Variants in SPECC1 observed in about 807,000 individuals in gnomAD.
SPECC1 encodes the protein cytospin-B.
SPECC1 carries 62 observed loss-of-function variants against 104.1 expected under a neutral mutation model. The observed-to-expected ratio is 0.60, with a 90% CI of 0.49 to 0.74. The LOEUF is 0.74. Among genes scored for constraint, SPECC1 ranks in the 30% least tolerant of loss-of-function variants. The pLI is 0.00. For synonymous variants in SPECC1, 513 were observed against 501.6 expected, an observed-to-expected ratio of 1.02 and a Z score of -0.30; for missense variants, 1,306 against 1,310.5, an observed-to-expected ratio of 1.00 and a Z score of 0.05.
At chr17:20,298,090 G>C (rs570062932) in intron 13 of SPECC1, among the ~76,000 whole-genome samples, 1 of 152,148 alleles carries the variant, frequency 6.6e-6, no homozygotes, top group African/African-American at 2.4e-5. Flanking sequence ...AGTGGCTCCC[G>C]CCTGTAATCC....
intron 7 of SPECC1, 70 bp downstream of exon 7, chr17:20,232,475 G>A: frequency 6.7e-7 from 1 of 1,497,050 alleles, no homozygotes; most frequent in Non-Finnish European, 9.0e-7. Context: ...TGGTGGGGAT[G>A]GGACTCTTCA....
chr17:20,086,223 CATG>C (rs922926550), intron 1 of SPECC1, among the ~76,000 whole-genome samples: 11 of 150,636 alleles, frequency 7.3e-5, no homozygotes, highest in African/African-American at 2.7e-4. Context: ...CCCCAGAAGC[CATG>C]ATGAGTATGG....
chr17:20,132,835 G>A (rs1159266905), intron 3 of SPECC1, among the ~76,000 whole-genome samples: 2 of 151,958 alleles, frequency 1.3e-5, no homozygotes, highest in Admixed American at 1.3e-4. Context: ...CACCTCCTGG[G>A]TTCAAGCCAT....
chr17:20,088,636 C>T (rs777518268), intron 1 of SPECC1, among the ~76,000 whole-genome samples: 14 of 152,116 alleles, frequency 9.2e-5, no homozygotes, highest in East Asian at 5.8e-4. Flanking sequence ...AGATGAGAAC[C>T]GCAAGTTTCA....
chr17:20,161,798 C>CTTTTT (rs200231490), intron 3 of SPECC1, among the ~76,000 whole-genome samples: 1 of 141,648 alleles, frequency 7.1e-6, no homozygotes, highest in Non-Finnish European at 1.5e-5. Flanking sequence ...TTTTTTCTTT[C>CTTTTT]TTTTTTTTTT....
At chr17:20,060,529 A>G (rs995602962) in intron 1 of SPECC1, among the ~76,000 whole-genome samples, 1 of 152,172 alleles carries the variant, frequency 6.6e-6, no homozygotes, top group Admixed American at 6.5e-5. Flanking sequence ...ACAAAAAAAC[A>G]ATAGAGGACT....
At chr17:20,208,143 CTG>C (rs1432858757) in intron 4 of SPECC1, among the ~76,000 whole-genome samples, 1 of 152,176 alleles carries the variant, frequency 6.6e-6, no homozygotes, top group South Asian at 2.1e-4. Context: ...TAAAATCAAA[CTG>C]TTATTATTCA....
chr17:20,191,136 A>C (rs2035641644), intron 3 of SPECC1, among the ~76,000 whole-genome samples: 1 of 152,186 alleles, frequency 6.6e-6, no homozygotes, highest in South Asian at 2.1e-4. Context: ...TGGGTGTACC[A>C]CAGTTGGTTG....
chr17:20,310,503 G>C (rs2142213446), intron 14 of SPECC1, among the ~76,000 whole-genome samples: 1 of 152,318 alleles, frequency 6.6e-6, no homozygotes, highest in South Asian at 2.1e-4. Flanking sequence ...TTCTTTCTCA[G>C]CCACCGTGTA....
At chr17:20,018,858 C>T (rs2044255699) in intron 1 of SPECC1, among the ~76,000 whole-genome samples, 1 of 152,176 alleles carries the variant, frequency 6.6e-6, no homozygotes, top group South Asian at 2.1e-4. Context: ...ACTAGAGACC[C>T]AACACCCAGG....
At chr17:20,274,652 T>G (rs2040519142) in intron 12 of SPECC1, among the ~76,000 whole-genome samples, 1 of 151,752 alleles carries the variant, frequency 6.6e-6, no homozygotes, top group Admixed American at 6.6e-5. Context: ...GGCTAATTTT[T>G]TGTGTTTTTA....
chr17:20,260,254 C>T lies in SPECC1; in HGVS notation c.2900C>T (p.Ala967Val). ...GAATACGGTGGTTCCAAGCGCAATG[C>T]TCTACTGAAATGGTGCCAGAAGAAG... is the stretch of plus-strand genomic sequence containing the variant. ...AREYGGSKRNALLKWCQKKTQ... is the reference protein window; with the variant it reads ...AREYGGSKRNVLLKWCQKKTQ... Residue 967 changes from alanine to valine, a missense_variant, in exon 12 of 15, where the codon GCT (alanine) becomes GTT (valine). By Grantham distance (64) the Ala-to-Val change is moderately conservative. This residue lies in a region of SPECC1 where 129 missense variants were observed against 170.6 expected (regional missense o/e 0.76). Transcript: ENST00000395527. 6.2e-7 allele frequency: 1 copy of T among 1,614,054 alleles called. No individual in the cohort carries two copies. The highest frequency in any genetic ancestry group is 8.5e-7 in the Non-Finnish European group (1 of 1,179,940).
rs2048712463 is a variant in SPECC1 at position 20,115,509 on chromosome 17, T to C, written c.283+4947T>C. The stretch of plus-strand genomic sequence containing the variant: ...AATAAATAAATAAAAATAAAAAAAA[T>C]TGGAGATCAAAATATTAGTGCATAG... On this transcript the variant is annotated intron_variant, in intron 3 of 14. Coordinates refer to ENST00000395527, the MANE Select transcript of SPECC1 (RefSeq NM_001243439.2). Among the ~76,000 whole-genome samples the C allele has an allele frequency of 2.0e-5, 3 of 151,834 alleles. No individual in the cohort carries two copies. In the South Asian group the frequency reaches 6.2e-4, roughly 32 times the overall value.
At chr17:20,184,831 G>T (rs924899835) in intron 3 of SPECC1, among the ~76,000 whole-genome samples, 2 of 152,194 alleles carry the variant, frequency 1.3e-5, no homozygotes, top group Non-Finnish European at 2.9e-5. Flanking sequence ...GTAAAGTGCT[G>T]AACATATTTT....
Position 20,306,657 on chromosome 17 carries a change from C to T in SPECC1, c.3117+575C>T, listed in dbSNP as rs187773173. On this transcript the variant is annotated intron_variant, in intron 14 of 14. Transcript: ENST00000395527. The stretch of plus-strand genomic sequence containing the variant: ...CCACCTGGGATTGTGTGCGCACGTG[C>T]GCGCAGAGAGAGGAAAAGGAGAGAG... Among the ~76,000 whole-genome samples the T allele has an allele frequency of 3.6e-3, 548 of 152,292 alleles. 3 individuals carry two copies. Among genetic ancestry groups the T allele is most frequent in the African/African-American group, 0.012 (509 of 41,550 alleles).
chr17:20,161,215 G>GA (rs1300140880), intron 3 of SPECC1, among the ~76,000 whole-genome samples: 1 of 152,012 alleles, frequency 6.6e-6, no homozygotes, highest in Admixed American at 6.6e-5. Context: ...TCTCAAAAAA[G>GA]AAAAAACTTT....
chr17:20,165,482 T>C (rs2033573402), intron 3 of SPECC1, among the ~76,000 whole-genome samples: 1 of 152,220 alleles, frequency 6.6e-6, no homozygotes, highest in African/African-American at 2.4e-5. Flanking sequence ...ATTGATTCCA[T>C]GTCTTTGCTA....
intron 12 of SPECC1, among the ~76,000 whole-genome samples, chr17:20,264,015 T>C (rs540126431): frequency 6.6e-6 from 1 of 152,238 alleles, no homozygotes; most frequent in African/African-American, 2.4e-5. Context: ...ATTAGAAATA[T>C]GACCATGTGT....
Position 20,288,325 on chromosome 17 carries a change from G to T in SPECC1, c.2941-8636G>T, listed in dbSNP as rs545112518. The stretch of plus-strand genomic sequence containing the variant: ...TATATAACCACTAATAGGATTGCTG[G>T]GTCAAATGGTTTTTCTTCTAGATCT... On this transcript the variant is annotated intron_variant, in intron 12 of 14. Coordinates refer to ENST00000395527, the MANE Select transcript of SPECC1 (RefSeq NM_001243439.2). Among the ~76,000 whole-genome samples, 9 of 152,026 alleles carry T rather than the reference G, an allele frequency of 5.9e-5. No homozygotes were observed. The South Asian group carries it at 1.9e-3, about 32-fold the overall frequency.
Sources: gnomAD v4.1 joint callset for allele counts (sites outside exome capture counted in the v4.1 genomes callset) on GRCh38, gnomAD v4.1.1 for gene constraint, gnomAD v4.1.1 regional missense constraint, MANE v1.5 for transcripts, NCBI Gene and HGNC (gene_info 2026-07-23, HGNC 2026-07-21) for gene names.